The following ING3 variants were observed in gnomAD, a reference collection of about 807,000 sequenced individuals.
ING3 encodes the protein inhibitor of growth family member 3, also known as inhibitor of growth protein 3.
ING3 carries 6 observed loss-of-function variants against 64.8 expected under a neutral mutation model. The observed-to-expected ratio is 0.09, with a 90% confidence interval of 0.05 to 0.18. ING3 has a LOEUF of 0.18. Among genes scored for constraint, ING3 ranks in the 10% least tolerant of loss-of-function variants. ING3 has a pLI of 1.00. For missense variants in ING3, 310 were observed against 489.7 expected, an observed-to-expected ratio of 0.63 and a Z score of 3.46; for synonymous variants, 170 against 173.7, an observed-to-expected ratio of 0.98 and a Z score of 0.17.
intron 10 of ING3, among the ~76,000 whole-genome samples, chr7:120,971,738 A>G (rs1054710597): frequency 6.6e-6 from 1 of 152,132 alleles, no homozygotes; most frequent in Non-Finnish European, 1.5e-5. Context: ...TAGGGATAAT[A>G]TTACGATAGG....
chr7:120,968,403 C>T (rs942866283), intron 8 of ING3, among the ~76,000 whole-genome samples: 4 of 152,146 alleles, frequency 2.6e-5, no homozygotes, highest in East Asian at 3.9e-4. Context: ...GTTCTTTCTG[C>T]CAGTTCCAAG....
At chr7:120,971,372 G>C (rs564611365) in intron 10 of ING3, among the ~76,000 whole-genome samples, 1 of 152,254 alleles carries the variant, frequency 6.6e-6, no homozygotes, top group African/African-American at 2.4e-5. Flanking sequence ...TGTCAGAGTA[G>C]GACCCCACTC....
At chr7:120,968,382 C>G (rs1340959396) in intron 8 of ING3, among the ~76,000 whole-genome samples, 1 of 152,170 alleles carries the variant, frequency 6.6e-6, no homozygotes, top group East Asian at 1.9e-4. Flanking sequence ...CACATGCTAG[C>G]ATAGTTCTTC....
intron 2 of ING3, among the ~76,000 whole-genome samples, chr7:120,952,309 C>T (rs901224231): frequency 2.0e-5 from 3 of 152,132 alleles, no homozygotes; most frequent in African/African-American, 4.8e-5. Context: ...TGTATTATCA[C>T]TTGTGAGGGG....
At chr7:120,970,652 A>G (rs1462638157) in intron 9 of ING3, 36 bp from the exon 10 acceptor site, 3 of 1,606,370 alleles carry the variant, frequency 1.9e-6, no homozygotes, top group Non-Finnish European at 2.6e-6. Context: ...TAACTTCTGG[A>G]TGGTGAGCAA....
At chr7:120,953,744 C>T (rs979537957) in intron 3 of ING3, among the ~76,000 whole-genome samples, 1 of 152,004 alleles carries the variant, frequency 6.6e-6, no homozygotes, top group Admixed American at 6.6e-5. Context: ...ATGAGCAGAC[C>T]TTGAAGAATA....
At chr7:120,964,085 G>A (rs943051771) in intron 4 of ING3, among the ~76,000 whole-genome samples, 3 of 152,054 alleles carry the variant, frequency 2.0e-5, no homozygotes, top group Non-Finnish European at 4.4e-5. Context: ...AGATCTCTCA[G>A]TGACAAAATA....
At chr7:120,957,873 A>G (rs900581130) in intron 4 of ING3, among the ~76,000 whole-genome samples, 2 of 152,236 alleles carry the variant, frequency 1.3e-5, no homozygotes, top group African/African-American at 4.8e-5. Flanking sequence ...TGACTTTGGA[A>G]AAGTTATTTA....
In ING3 at chr7:120,950,860, C is replaced by A. The variant is rs183695656; in HGVS notation, c.-37C>A. ...CGACAGCGAGTGACACAAATAAACC[C>A]CTGGACCCCCTTGTTCCCTCAGCTC... On this transcript the variant is annotated 5_prime_UTR_variant, in exon 1 of 12. Transcript: ENST00000315870. 9.0e-3 allele frequency: 14,577 copies of A among 1,612,858 alleles called. 141 individuals carry two copies. The highest frequency in any genetic ancestry group is 0.033 in the South Asian group (3,028 of 91,032).
intron 6 of ING3, 136 bp from the exon 7 acceptor site, chr7:120,967,393 C>T (rs566734511): frequency 6.6e-5 from 35 of 532,290 alleles, no homozygotes; most frequent in African/African-American, 6.5e-4. Context: ...GTCCTGCCTT[C>T]TGAGGAAACA....
intron 6 of ING3, 141 bp from the exon 7 acceptor site, chr7:120,967,388 G>A: frequency 3.9e-6 from 2 of 511,464 alleles, no homozygotes; most frequent in Non-Finnish European, 6.5e-6. Flanking sequence ...TGCTTGTCCT[G>A]CCTTCTGAGG....
At chr7:120,956,017 T>C (rs1795841083) in intron 4 of ING3, 5 of 660,020 alleles carry the variant, frequency 7.6e-6, no homozygotes, top group Non-Finnish European at 1.3e-5. Context: ...TTGACAAGAG[T>C]TCTTGGTAGT....
rs1245794689 is a variant in ING3, at chr7:120,976,689, T to G, written c.*1845T>G. The G allele has an allele frequency of 6.6e-6, 1 of 152,222 alleles. No homozygotes were observed. Among genetic ancestry groups the G allele is most frequent in the Non-Finnish European group, 1.5e-5 (1 of 68,020 alleles). 9.4% of individuals were successfully genotyped at this position (152,222 alleles called of 1,614,324 possible). On this transcript the variant is annotated 3_prime_UTR_variant, in exon 12 of 12. Coordinates refer to ENST00000315870, the MANE Select transcript of ING3 (RefSeq NM_019071.3). ...ATAGAAATGGTCAAAGGAAAAAGCC[T>G]TATGTACAGCCTTATTTGAAGAGAA...
intron 4 of ING3, chr7:120,956,544 T>G: frequency 9.8e-7 from 1 of 1,023,488 alleles, no homozygotes; most frequent in South Asian, 3.7e-5. Context: ...AATGTCTAGT[T>G]GTTTTTATGT....
chr7:120,958,261 C>A (rs1443294059), intron 4 of ING3, among the ~76,000 whole-genome samples: 1 of 149,696 alleles, frequency 6.7e-6, no homozygotes, highest in Non-Finnish European at 1.5e-5. Flanking sequence ...ATACTTTAAT[C>A]CTATTTCAGG....
At chr7:120,956,193 A>G (rs1416157770) in intron 4 of ING3, 2 of 1,608,538 alleles carry the variant, frequency 1.2e-6, no homozygotes, top group South Asian at 1.1e-5. Flanking sequence ...CACCAAGAAG[A>G]TAGATAGAAT....
intron 4 of ING3, among the ~76,000 whole-genome samples, chr7:120,959,805 C>T (rs932097795): frequency 1.5e-4 from 23 of 151,544 alleles, no homozygotes; most frequent in Non-Finnish European, 2.8e-4. Context: ...ACCACCACGC[C>T]CGGCTAATTT....
In ING3 at chr7:120,973,301, A is replaced by C. The variant is rs532772307; in HGVS notation, c.1140+58A>C. The stretch of plus-strand genomic sequence containing the variant: ...AAAAATCACAGGTTGTTATTACTTG[A>C]ATATTTGTCTTATTTGCTGTATGGT... On this transcript the variant is annotated intron_variant, in intron 11 of 11. Coordinates refer to ENST00000315870, the MANE Select transcript of ING3 (RefSeq NM_019071.3). The C allele has an allele frequency of 1.3e-5, 15 of 1,123,800 alleles. No homozygotes were observed. The African/African-American group carries it at 2.2e-4, about 16-fold the overall frequency. 69.6% of individuals were successfully genotyped at this position (1,123,800 alleles called of 1,614,324 possible). A position where few individuals can be genotyped will look rare whatever the true frequency, so the allele number is the denominator to read the frequency against.
rs756116032 is a variant in ING3, at chr7:120,974,812, G to A, written c.1225G>A (p.Ala409Thr). The change falls in exon 12 of 12, where the codon GCA (alanine) becomes ACA (threonine). Residue 409 changes from alanine to threonine, a missense_variant. Coordinates refer to ENST00000315870, the MANE Select transcript of ING3 (RefSeq NM_019071.3). ...ATGGTACTGTCCACAGTGCACTGCT[G>A]CAATGAAGAGAAGAGGCAGCAGACA... ...GKWYCPQCTA[A>T]MKRRGSRHK 1 of 1,611,880 alleles carries A rather than the reference G, an allele frequency of 6.2e-7. No individual in the cohort carries two copies. The highest frequency in any genetic ancestry group is 1.1e-5 in the South Asian group (1 of 90,876).
Sources: allele counts gnomAD v4.1 joint callset (sites outside exome capture counted in the v4.1 genomes callset), GRCh38; gene constraint gnomAD v4.1.1; transcripts MANE v1.5; gene names NCBI Gene and HGNC (gene_info 2026-07-23, HGNC 2026-07-21).